PTPRD: variants seen among roughly 807,000 people sequenced by gnomAD.
PTPRD encodes the protein receptor-type tyrosine-protein phosphatase delta.
PTPRD carries 34 observed loss-of-function variants against 214.5 expected under a neutral mutation model. The ratio of observed to expected loss-of-function variants is 0.16; its 90% CI spans 0.12 to 0.21. The LOEUF (loss-of-function observed/expected upper bound fraction) is 0.21, where lower values mean the gene tolerates loss of function less well. Among genes scored for constraint, PTPRD ranks in the 10% least tolerant of loss-of-function variants. PTPRD has a pLI of 1.00. For synonymous variants in PTPRD, 1,128 were observed against 845.7 expected, an observed-to-expected ratio of 1.33 and a Z score of -5.79; for missense variants, 2,545 against 2,398.7, an observed-to-expected ratio of 1.06 and a Z score of -1.27.
At chr9:9,686,890 T>C (rs1595213658) in intron 7 of PTPRD, among the ~76,000 whole-genome samples, 1 of 151,764 alleles carries the variant, frequency 6.6e-6, no homozygotes, top group Admixed American at 6.6e-5. Context: ...AACAGACATA[T>C]GCTAACTTCT....
At chr9:10,550,592 TAG>T (rs1243582158) in intron 2 of PTPRD, among the ~76,000 whole-genome samples, 1 of 152,176 alleles carries the variant, frequency 6.6e-6, no homozygotes, top group Non-Finnish European at 1.5e-5. Context: ...CTGGTAAAAT[TAG>T]ACTCATTTCA....
intron 8 of PTPRD, among the ~76,000 whole-genome samples, chr9:9,497,658 G>A (rs898300411): frequency 6.6e-6 from 1 of 152,120 alleles, no homozygotes; most frequent in South Asian, 2.1e-4. Flanking sequence ...ATCTCAAAAA[G>A]AGGAGAAATA....
chr9:10,326,845 T>C (rs1335013988), intron 3 of PTPRD, among the ~76,000 whole-genome samples: 1 of 151,514 alleles, frequency 6.6e-6, no homozygotes, highest in Non-Finnish European at 1.5e-5. Flanking sequence ...ATTTTCTATT[T>C]ATGATCATGA....
At chr9:9,688,434 G>A (rs2097202977) in intron 7 of PTPRD, among the ~76,000 whole-genome samples, 1 of 151,842 alleles carries the variant, frequency 6.6e-6, no homozygotes, top group Non-Finnish European at 1.5e-5. Context: ...GCCCCAATAT[G>A]TATTTGGTTC....
chr9:9,427,619 C>T (rs1391117080), intron 8 of PTPRD, among the ~76,000 whole-genome samples: 2 of 152,072 alleles, frequency 1.3e-5, no homozygotes, highest in African/African-American at 4.8e-5. Flanking sequence ...GTCAGATTTA[C>T]CAAAGTTGAA....
At chr9:8,564,576 C>T (rs1394606936) in intron 14 of PTPRD, among the ~76,000 whole-genome samples, 1 of 152,044 alleles carries the variant, frequency 6.6e-6, no homozygotes, top group Non-Finnish European at 1.5e-5. Flanking sequence ...GTAGTGCGTG[C>T]CTGTAATCCC....
Position 10,377,836 on chromosome 9 carries a change from T to C in PTPRD, c.-599-36819A>G, listed in dbSNP as rs538606725. Among the ~76,000 whole-genome samples, 58 of 152,192 alleles carry C rather than the reference T, an allele frequency of 3.8e-4. No individual in the cohort carries two copies. The Middle Eastern group carries it at 0.02, about 54-fold the overall frequency. Reference sequence around the variant, plus strand: ...TGATGGGCACTTAGGTTGTTTTCAATTTTGGCTACTGTGAACAGTGCTGCA... The same window carrying C: ...TGATGGGCACTTAGGTTGTTTTCAACTTTGGCTACTGTGAACAGTGCTGCA... On this transcript the variant is annotated intron_variant, in intron 2 of 45. Coordinates refer to ENST00000381196, the MANE Select transcript of PTPRD (RefSeq NM_002839.4).
chr9:9,284,693 G>A (rs147065130), intron 9 of PTPRD, among the ~76,000 whole-genome samples: 1 of 151,732 alleles, frequency 6.6e-6, no homozygotes, highest in Admixed American at 6.6e-5. Flanking sequence ...TACTGAAAAT[G>A]AAGACAGCCT....
intron 8 of PTPRD, among the ~76,000 whole-genome samples, chr9:9,509,372 T>A (rs2096645192): frequency 6.6e-6 from 1 of 151,472 alleles, no homozygotes; most frequent in Non-Finnish European, 1.5e-5. Context: ...AATTGTCTAA[T>A]CTGAATTCCT....
At chr9:9,705,751 T>C (rs993088107) in intron 7 of PTPRD, among the ~76,000 whole-genome samples, 2 of 152,192 alleles carry the variant, frequency 1.3e-5, no homozygotes, top group African/African-American at 4.8e-5. Flanking sequence ...TCAAAAAAGT[T>C]TTTTATCTGT....
At chr9:9,628,158 G>C (rs1351601501) in intron 7 of PTPRD, among the ~76,000 whole-genome samples, 3 of 151,972 alleles carry the variant, frequency 2.0e-5, no homozygotes, top group Non-Finnish European at 2.9e-5. Context: ...ATAAATGTAG[G>C]CTTTAGCTGA....
intron 4 of PTPRD, among the ~76,000 whole-genome samples, chr9:9,957,915 A>T (rs2094063011): frequency 6.6e-6 from 1 of 152,112 alleles, no homozygotes; most frequent in South Asian, 2.1e-4. Context: ...GCCCAGAATC[A>T]GACCCACATC....
chr9:9,475,609 T>C (rs1442896619), intron 8 of PTPRD, among the ~76,000 whole-genome samples: 2 of 152,214 alleles, frequency 1.3e-5, no homozygotes, highest in Non-Finnish European at 2.9e-5. Context: ...GTTGGATTCA[T>C]GCTCAGACAG....
intron 2 of PTPRD, among the ~76,000 whole-genome samples, chr9:10,518,688 A>G (rs751142269): frequency 1.3e-5 from 2 of 151,880 alleles, no homozygotes; most frequent in Admixed American, 1.3e-4. Flanking sequence ...GCCCGCCACC[A>G]CACCCGGCTA....
intron 9 of PTPRD, among the ~76,000 whole-genome samples, chr9:9,346,307 T>C (rs1456868475): frequency 2.0e-5 from 3 of 152,140 alleles, no homozygotes; most frequent in African/African-American, 7.2e-5. Context: ...CAATTAGAAA[T>C]ATGGGAGGGT....
At chr9:9,019,300 G>GAAAGAAAGAAAGA (rs1569428192) in intron 10 of PTPRD, among the ~76,000 whole-genome samples, 11 of 63,210 alleles carry the variant, frequency 1.7e-4, no homozygotes, top group African/African-American at 7.0e-4. Context: ...AAGAAAGAAA[G>GAAAGAAAGAAAGA]AAAGAAAGAA....
At chr9:10,095,473 C>G (rs1018865278) in intron 3 of PTPRD, among the ~76,000 whole-genome samples, 8 of 151,502 alleles carry the variant, frequency 5.3e-5, no homozygotes, top group Non-Finnish European at 8.9e-5. Flanking sequence ...GCCCTACTGA[C>G]ATGAATGCAG....
chr9:8,496,210 A>AC lies in PTPRD; in HGVS notation c.2349+1031_2349+1032insG, dbSNP rs1554641929. ...CACACACACACACACACACACACAC[A>AC]AACACACACACACACACACACTTTT... is the stretch of plus-strand genomic sequence containing the variant. On this transcript the variant is annotated intron_variant, in intron 26 of 45. Coordinates refer to ENST00000381196, the MANE Select transcript of PTPRD (RefSeq NM_002839.4). Among the ~76,000 whole-genome samples, 487 of 121,388 alleles carry AC rather than the reference A, an allele frequency of 4.0e-3. 1 individual carries two copies. Among genetic ancestry groups the AC allele is most frequent in the African/African-American group, 0.011 (378 of 34,140 alleles). 79.6% of individuals were successfully genotyped at this position (121,388 alleles called of 152,430 possible). A position where few individuals can be genotyped will look rare whatever the true frequency, so the allele number is the denominator to read the frequency against.
chr9:10,448,031 A>G (rs1270233502), intron 2 of PTPRD, among the ~76,000 whole-genome samples: 1 of 151,970 alleles, frequency 6.6e-6, no homozygotes, highest in Non-Finnish European at 1.5e-5. Context: ...GTGTGTAGCT[A>G]TAAGTGCATG....
Sources: gnomAD v4.1 joint callset for allele counts (sites outside exome capture counted in the v4.1 genomes callset) on GRCh38, gnomAD v4.1.1 for gene constraint, MANE v1.5 for transcripts, NCBI Gene and HGNC (gene_info 2026-07-23, HGNC 2026-07-21) for gene names.